GABRB1: variants seen among roughly 807,000 people sequenced by gnomAD.
The protein encoded by GABRB1 is gamma-aminobutyric acid type A receptor subunit beta1.
In GABRB1, 17 loss-of-function variants were observed where a neutral mutation model predicts 51.6. The observed-to-expected ratio is 0.33, with a 90% confidence interval of 0.23 to 0.49. GABRB1 has a LOEUF of 0.49. GABRB1 is among the 20% of genes least tolerant of loss of function. The pLI is 0.99. For synonymous variants in GABRB1, 247 were observed against 218.9 expected (o/e 1.13, Z -1.14); for missense variants, 410 against 600.6 (o/e 0.68, Z 3.32).
intron 3 of GABRB1, among the ~76,000 whole-genome samples, chr4:47,144,771 G>A (rs1359757890): frequency 2.0e-5 from 3 of 151,520 alleles, no homozygotes; most frequent in African/African-American, 7.3e-5. Flanking sequence ...TGGATTTTAG[G>A]GAAACCATCA....
chr4:47,276,656 C>T (rs1323133968), intron 4 of GABRB1, among the ~76,000 whole-genome samples: 1 of 152,144 alleles, frequency 6.6e-6, no homozygotes, highest in Non-Finnish European at 1.5e-5. Context: ...TTTCCAAGTA[C>T]TCCATTTTTA....
Position 47,280,814 on chromosome 4 carries a change from ATTT to A in GABRB1, c.462-39291_462-39289del, listed in dbSNP as rs750413197. 4.2e-4 allele frequency among the ~76,000 whole-genome samples: 53 copies of A among 124,970 alleles called. 1 individual carries two copies. The highest frequency in any genetic ancestry group is 8.3e-5 in the Admixed American group (1 of 12,084). 82.0% of individuals were successfully genotyped at this position (124,970 alleles called of 152,430 possible). A position where few individuals can be genotyped will look rare whatever the true frequency, so the allele number is the denominator to read the frequency against. On this transcript the variant is annotated intron_variant, in intron 4 of 8. Transcript: ENST00000295454. ...AGGTGTGTGCCACCATGTCTGGCTA[ATTT>A]TTTTTTTTTTTTTTTTTTTTTAGAA... is the stretch of plus-strand genomic sequence containing the variant.
chr4:47,195,979 T>C (rs746022166), intron 4 of GABRB1, among the ~76,000 whole-genome samples: 6 of 152,362 alleles, frequency 3.9e-5, no homozygotes, highest in Admixed American at 6.5e-5. Flanking sequence ...CAGAACTTGC[T>C]AGACATTCCT....
intron 5 of GABRB1, among the ~76,000 whole-genome samples, chr4:47,369,617 A>G (rs1214625383): frequency 6.6e-6 from 1 of 152,250 alleles, no homozygotes; most frequent in African/African-American, 2.4e-5. Flanking sequence ...TTATTGCTCA[A>G]CTTAATTGTA....
intron 4 of GABRB1, among the ~76,000 whole-genome samples, chr4:47,240,215 T>C (rs530574060): frequency 2.0e-5 from 3 of 152,334 alleles, no homozygotes; most frequent in Admixed American, 6.5e-5. Flanking sequence ...TAAATTTTTC[T>C]GAGCTAGTTT....
intron 1 of GABRB1, among the ~76,000 whole-genome samples, chr4:47,002,032 T>C (rs1724247396): frequency 6.6e-6 from 1 of 152,212 alleles, no homozygotes; most frequent in Non-Finnish European, 1.5e-5. Flanking sequence ...ATGTGAACCA[T>C]TATAAATGTT....
rs374592803 is a variant in GABRB1 at position 47,020,125 on chromosome 4, A to C, written c.-19-11789A>C. On this transcript the variant is annotated intron_variant, in intron 1 of 3. Coordinates refer to the GABRB1 transcript ENST00000513567. ...TGAGGTCTCTCTCCTTGATTTGCAG[A>C]TGACTGCCTTCTCCTTTTGTCCTCA... 1.4e-4 allele frequency among the ~76,000 whole-genome samples: 21 copies of C among 151,982 alleles called. No individual in the cohort carries two copies. In the East Asian group the frequency reaches 4.1e-3, roughly 30 times the overall value.
At chr4:47,300,812 T>C (rs1312747702) in intron 4 of GABRB1, among the ~76,000 whole-genome samples, 2 of 152,084 alleles carry the variant, frequency 1.3e-5, no homozygotes, top group East Asian at 1.9e-4. Flanking sequence ...AGCTTTCCAT[T>C]CCACTGAATA....
intron 5 of GABRB1, among the ~76,000 whole-genome samples, chr4:47,392,114 AAGG>A (rs1231104706): frequency 2.0e-5 from 3 of 148,702 alleles, no homozygotes; most frequent in African/African-American, 5.1e-5. Flanking sequence ...CAGAAAGGAG[AAGG>A]AGAAGAGTGC....
At chr4:47,154,647 G>T (rs143664828) in intron 3 of GABRB1, among the ~76,000 whole-genome samples, 3 of 152,128 alleles carry the variant, frequency 2.0e-5, no homozygotes, top group African/African-American at 4.8e-5. Context: ...AGGCAATAAA[G>T]ATGGGAGCAA....
intron 5 of GABRB1, among the ~76,000 whole-genome samples, chr4:47,385,033 A>G (rs1727737941): frequency 6.6e-6 from 1 of 152,182 alleles, no homozygotes; most frequent in African/African-American, 2.4e-5. Context: ...CTGTCATTAC[A>G]CTTTCCGGAG....
chr4:47,205,813 G>T (rs1437148768), intron 4 of GABRB1, among the ~76,000 whole-genome samples: 1 of 152,090 alleles, frequency 6.6e-6, no homozygotes, highest in African/African-American at 2.4e-5. Flanking sequence ...GCACTGAACA[G>T]AACCCATTTT....
At chr4:47,372,870 T>G (rs1179319886) in intron 5 of GABRB1, among the ~76,000 whole-genome samples, 1 of 152,108 alleles carries the variant, frequency 6.6e-6, no homozygotes, top group African/African-American at 2.4e-5. Flanking sequence ...CAAACAGCTA[T>G]CATCACCAAC....
intron 3 of GABRB1, among the ~76,000 whole-genome samples, chr4:47,119,191 T>C (rs1167382004): frequency 1.3e-5 from 2 of 152,090 alleles, no homozygotes; most frequent in Admixed American, 1.3e-4. Context: ...AAGGGGAAGA[T>C]TGACTGTTTA....
At chr4:47,182,526 T>A (rs1427866460) in intron 4 of GABRB1, among the ~76,000 whole-genome samples, 1 of 151,984 alleles carries the variant, frequency 6.6e-6, no homozygotes, top group Non-Finnish European at 1.5e-5. Flanking sequence ...GAAGATAAAA[T>A]CTTATTCCAC....
Position 47,242,749 on chromosome 4 carries a change from T to C in GABRB1, c.462-77378T>C, listed in dbSNP as rs1170010633. 5.3e-5 allele frequency among the ~76,000 whole-genome samples: 8 copies of C among 152,348 alleles called. No individual in the cohort carries two copies. The South Asian group carries it at 1.7e-3, about 32-fold the overall frequency. On this transcript the variant is annotated intron_variant, in intron 4 of 8. Transcript: ENST00000295454. ...GATGGGGTTGTTTGATTTTTTCTTG[T>C]AAATTTGTTTAAGTTCTTTGTAGAT... is the stretch of plus-strand genomic sequence containing the variant.
Position 47,264,047 on chromosome 4 carries a change from TG to T in GABRB1, c.462-56077del, listed in dbSNP as rs1035401894. Among the ~76,000 whole-genome samples the T allele has an allele frequency of 5.9e-5, 9 of 151,420 alleles. No homozygotes were observed. In the East Asian group the frequency reaches 1.7e-3, roughly 29 times the overall value. ...GTCCCAGCTACTCAGGAGGCAGAGC[TG>T]GGAGGATCACTTGAGCCCAGAAGAG... On this transcript the variant is annotated intron_variant, in intron 4 of 8. Transcript: ENST00000295454.
At chr4:47,074,065 C>T (rs1054049053) in intron 3 of GABRB1, among the ~76,000 whole-genome samples, 1 of 152,108 alleles carries the variant, frequency 6.6e-6, no homozygotes, top group African/African-American at 2.4e-5. Context: ...AAGATAAATA[C>T]AATTTTTCTC....
intron 5 of GABRB1, among the ~76,000 whole-genome samples, chr4:47,351,178 A>G (rs1726314422): frequency 6.6e-6 from 1 of 152,210 alleles, no homozygotes; most frequent in Admixed American, 6.5e-5. Flanking sequence ...AATCACATCT[A>G]TAGGTCTCTG....
Sources: allele counts gnomAD v4.1 joint callset (sites outside exome capture counted in the v4.1 genomes callset), GRCh38; gene constraint gnomAD v4.1.1; transcripts MANE v1.5; gene names NCBI Gene and HGNC (gene_info 2026-07-23, HGNC 2026-07-21).